PAX5: variants seen among roughly 807,000 people sequenced by gnomAD.
The protein encoded by PAX5 is paired box 5.
A neutral mutation model predicts 43.7 loss-of-function variants in PAX5; 9 were observed. The observed-to-expected ratio is 0.21, with a 90% CI of 0.12 to 0.36. PAX5 has a LOEUF of 0.36. PAX5 is among the 10% of genes least tolerant of loss of function. PAX5 has a pLI of 1.00. For missense variants in PAX5, 383 were observed against 532.7 expected, an observed-to-expected ratio of 0.72 and a Z score of 2.77; for synonymous variants, 228 against 214.3, an observed-to-expected ratio of 1.06 and a Z score of -0.56.
At chr9:36,895,736 A>C (rs1006351890) in intron 7 of PAX5, among the ~76,000 whole-genome samples, 31 of 152,208 alleles carry the variant, frequency 2.0e-4, no homozygotes, top group African/African-American at 7.2e-4. Context: ...GCACTGGCAG[A>C]AAATGTGACA....
intron 1 of PAX5, among the ~76,000 whole-genome samples, chr9:37,023,667 G>A (rs1445724373): frequency 6.6e-6 from 1 of 152,116 alleles, no homozygotes; most frequent in Non-Finnish European, 1.5e-5. Context: ...CCCACCACAG[G>A]CCCTCCCAAT....
intron 5 of PAX5, among the ~76,000 whole-genome samples, chr9:36,985,764 C>A (rs1386597343): frequency 2.6e-5 from 4 of 152,158 alleles, no homozygotes; most frequent in Non-Finnish European, 5.9e-5. Context: ...AATCCAGTCC[C>A]GAACTTCCCA....
At chr9:37,019,831 A>G (rs544361302) in intron 2 of PAX5, among the ~76,000 whole-genome samples, 62 of 152,250 alleles carry the variant, frequency 4.1e-4, no homozygotes, top group Non-Finnish European at 8.4e-4. Context: ...TGAGACCCAG[A>G]TGGTCTAGGG....
At chr9:37,004,774 T>C (rs989331145) in intron 4 of PAX5, among the ~76,000 whole-genome samples, 2 of 152,340 alleles carry the variant, frequency 1.3e-5, no homozygotes, top group Admixed American at 1.3e-4. Context: ...AAGCTCACCA[T>C]GTTGCTGGCA....
At chr9:36,933,189 AAAAT>A (rs1831269249) in intron 6 of PAX5, among the ~76,000 whole-genome samples, 2 of 152,014 alleles carry the variant, frequency 1.3e-5, no homozygotes, top group South Asian at 2.1e-4. Context: ...CTCCATAGTT[AAAAT>A]AAATAAAGTT....
chr9:37,025,039 G>C (rs558764385), intron 1 of PAX5, among the ~76,000 whole-genome samples: 22 of 152,298 alleles, frequency 1.4e-4, no homozygotes, highest in African/African-American at 4.3e-4. Context: ...GTCCTCCCCA[G>C]AGCCAGGCTG....
At chr9:36,977,519 G>T (rs1370105248) in intron 5 of PAX5, among the ~76,000 whole-genome samples, 6 of 151,394 alleles carry the variant, frequency 4.0e-5, no homozygotes, top group Non-Finnish European at 5.9e-5. Context: ...GTTTTTTTTG[G>T]GGTTTTTTTG....
chr9:37,019,013 G>A (rs1360536930), intron 2 of PAX5, among the ~76,000 whole-genome samples: 1 of 152,042 alleles, frequency 6.6e-6, no homozygotes, highest in Non-Finnish European at 1.5e-5. Context: ...AACAAAGAAA[G>A]GGCCTTCTTT....
Position 36,834,981 on chromosome 9 carries a change from C to A in PAX5, c.*5579G>T. On this transcript the variant is annotated 3_prime_UTR_variant, in exon 10 of 10. Coordinates refer to ENST00000358127, the MANE Select transcript of PAX5 (RefSeq NM_016734.3). ...CCTGCTTCCCTCCCTGGGCCCCGAT[C>A]AGCCACCGGAAGCTGATGGGTGGGT... is the stretch of plus-strand genomic sequence containing the variant. 4.3e-6 allele frequency: 1 copy of A among 233,382 alleles called. No individual in the cohort carries two copies. The highest frequency in any genetic ancestry group is 6.0e-5 in the East Asian group (1 of 16,604). 14.5% of individuals were successfully genotyped at this position (233,382 alleles called of 1,614,324 possible).
chr9:37,024,805 TCTGATGCTATCTCCCCAAGGG>T (rs1266355669), intron 1 of PAX5, among the ~76,000 whole-genome samples: 69 of 151,936 alleles, frequency 4.5e-4, no homozygotes, highest in African/African-American at 1.6e-3. Flanking sequence ...GACCACCAGG[TCTGATGCTATCTCCCCAAGGG>T]CTAGGGCACA....
At chr9:37,016,273 T>A (rs1335508285) in intron 2 of PAX5, among the ~76,000 whole-genome samples, 2 of 152,234 alleles carry the variant, frequency 1.3e-5, no homozygotes, top group African/African-American at 2.4e-5. Context: ...TCCCCTGAAA[T>A]GCAACTTATT....
At chr9:36,844,034 A>G (rs1016414232) in intron 9 of PAX5, among the ~76,000 whole-genome samples, 8 of 152,214 alleles carry the variant, frequency 5.3e-5, no homozygotes, top group Non-Finnish European at 1.0e-4. Flanking sequence ...GGAGTCCCAA[A>G]TATCCCTTAA....
At chr9:36,991,000 C>G (rs1836884794) in intron 5 of PAX5, among the ~76,000 whole-genome samples, 1 of 151,970 alleles carries the variant, frequency 6.6e-6, no homozygotes, top group Non-Finnish European at 1.5e-5. Context: ...GCCCCAGCTA[C>G]TCCGAGGCTG....
intron 2 of PAX5, among the ~76,000 whole-genome samples, chr9:37,018,168 CG>C (rs1230001344): frequency 1.3e-5 from 2 of 152,112 alleles, no homozygotes; most frequent in African/African-American, 4.8e-5. Context: ...GAAATACAGA[CG>C]GTTGAGAATA....
intron 4 of PAX5, 43 bp downstream of exon 4, chr9:37,006,430 G>C (rs755196995): frequency 7.4e-7 from 1 of 1,352,318 alleles, no homozygotes; most frequent in Non-Finnish European, 1.1e-6. Context: ...AGAATATTTG[G>C]AGCCCATTAG....
intron 7 of PAX5, among the ~76,000 whole-genome samples, chr9:36,884,315 C>T (rs1014716842): frequency 6.6e-6 from 1 of 152,076 alleles, no homozygotes; most frequent in Non-Finnish European, 1.5e-5. Context: ...AAGTTTCATT[C>T]TATGTATGCA....
At chr9:36,943,840 G>C (rs140342923) in intron 6 of PAX5, among the ~76,000 whole-genome samples, 49 of 152,196 alleles carry the variant, frequency 3.2e-4, no homozygotes, top group African/African-American at 1.1e-3. Context: ...AAAATATATG[G>C]AGGTATGGAG....
In PAX5 at chr9:36,873,987, GCTGC is replaced by G. The variant is rs760458520; in HGVS notation, c.1012+8013_1012+8016del. On this transcript the variant is annotated intron_variant, in intron 8 of 9. Coordinates refer to ENST00000358127, the MANE Select transcript of PAX5 (RefSeq NM_016734.3). ...GGTCCTGGCTGAGCTGGGCCAGGAT[GCTGC>G]CTGGTACTGCGGCCCCCACCCCTAA... is the stretch of plus-strand genomic sequence containing the variant. 9.0e-4 allele frequency among the ~76,000 whole-genome samples: 137 copies of G among 152,316 alleles called. 1 individual carries two copies. Among genetic ancestry groups the G allele is most frequent in the Admixed American group, 2.3e-3 (35 of 15,304 alleles).
chr9:37,034,046 A>G lies in PAX5; in HGVS notation c.-15T>C. 1.3e-6 allele frequency: 2 copies of G among 1,517,508 alleles called. No individual in the cohort carries two copies. The highest frequency in any genetic ancestry group is 1.5e-5 in the African/African-American group (1 of 67,146). 94.0% of individuals were successfully genotyped at this position (1,517,508 alleles called of 1,614,324 possible). ...TCTAAATCCATTTTGATTTTTCAGGACTTGATGGAATGGACAGGGAAAAGT... is the reference window on the plus strand; with the variant it reads ...TCTAAATCCATTTTGATTTTTCAGGGCTTGATGGAATGGACAGGGAAAAGT... On this transcript the variant is annotated 5_prime_UTR_variant, in exon 1 of 10. Transcript: ENST00000358127.
Sources: gnomAD v4.1 joint callset for allele counts (sites outside exome capture counted in the v4.1 genomes callset) on GRCh38, gnomAD v4.1.1 for gene constraint, MANE v1.5 for transcripts, NCBI Gene and HGNC (gene_info 2026-07-23, HGNC 2026-07-21) for gene names.